CTNNA2: variants seen among roughly 807,000 people sequenced by gnomAD.
The protein encoded by CTNNA2 is catenin alpha 2, also known as catenin alpha-2.
A neutral mutation model predicts 101.0 loss-of-function variants in CTNNA2; 42 were observed. The ratio of observed to expected loss-of-function variants is 0.42; its 90% CI spans 0.32 to 0.54. The LOEUF is 0.54. Among genes scored for constraint, CTNNA2 ranks in the 20% least tolerant of loss-of-function variants. CTNNA2 has a pLI of 0.14. For missense variants in CTNNA2, 871 were observed against 1,223.1 expected, an observed-to-expected ratio of 0.71 and a Z score of 4.29; for synonymous variants, 450 against 456.4, an observed-to-expected ratio of 0.99 and a Z score of 0.18.
intron 12 of CTNNA2, among the ~76,000 whole-genome samples, chr2:80,564,390 G>A (rs1693867633): frequency 6.6e-6 from 1 of 152,002 alleles, no homozygotes. Flanking sequence ...TTTTAAAATA[G>A]AAGAAAACTT....
At chr2:80,258,360 T>C (rs781417252) in intron 7 of CTNNA2, among the ~76,000 whole-genome samples, 1 of 152,192 alleles carries the variant, frequency 6.6e-6, no homozygotes, top group Admixed American at 6.6e-5. Context: ...ATTTGTTATC[T>C]GAAAAGTCAA....
At chr2:80,442,764 A>G (rs1192901115) in intron 9 of CTNNA2, among the ~76,000 whole-genome samples, 1 of 152,204 alleles carries the variant, frequency 6.6e-6, no homozygotes, top group Non-Finnish European at 1.5e-5. Context: ...CCTGCCAAAC[A>G]AAACACCAGA....
At chr2:80,369,773 A>G (rs1675278225) in intron 7 of CTNNA2, among the ~76,000 whole-genome samples, 2 of 152,162 alleles carry the variant, frequency 1.3e-5, no homozygotes, top group Admixed American at 1.3e-4. Flanking sequence ...CTACAGAAGC[A>G]CAGCCAGAGA....
At chr2:79,784,278 A>T (rs1674672664) in intron 3 of CTNNA2, among the ~76,000 whole-genome samples, 1 of 151,992 alleles carries the variant, frequency 6.6e-6, no homozygotes, top group Non-Finnish European at 1.5e-5. Context: ...AATGCCTCTA[A>T]GTTAAGCTTG....
At chr2:80,594,532 T>C (rs1352698633) in intron 15 of CTNNA2, among the ~76,000 whole-genome samples, 1 of 152,094 alleles carries the variant, frequency 6.6e-6, no homozygotes, top group African/African-American at 2.4e-5. Context: ...TCTTTTTTTT[T>C]CTTTTGTTGC....
intron 4 of CTNNA2, among the ~76,000 whole-genome samples, chr2:79,409,576 T>C (rs1678383522): frequency 2.0e-5 from 3 of 150,956 alleles, no homozygotes; most frequent in African/African-American, 4.9e-5. Context: ...CCATTGCTTG[T>C]TTTTCTCAGG....
At chr2:79,436,072 C>A (rs1678709935) in intron 4 of CTNNA2, among the ~76,000 whole-genome samples, 1 of 152,092 alleles carries the variant, frequency 6.6e-6, no homozygotes, top group African/African-American at 2.4e-5. Flanking sequence ...TGGGGCAGAA[C>A]CAGGAATCTA....
chr2:80,554,564 G>A (rs76003961), intron 11 of CTNNA2, among the ~76,000 whole-genome samples: 5,700 of 152,158 alleles, frequency 0.037, 151 homozygotes, highest in Non-Finnish European at 0.057. Context: ...GATAGGAAGA[G>A]GATAGAAAGA....
intron 9 of CTNNA2, among the ~76,000 whole-genome samples, chr2:80,535,932 C>T (rs1429434742): frequency 6.6e-6 from 1 of 152,206 alleles, no homozygotes; most frequent in Admixed American, 6.5e-5. Flanking sequence ...CTTGACTCTC[C>T]TCAAGTCCAA....
At chr2:79,565,837 C>T (rs1182470468) in intron 1 of CTNNA2, among the ~76,000 whole-genome samples, 1 of 151,984 alleles carries the variant, frequency 6.6e-6, no homozygotes, top group Non-Finnish European at 1.5e-5. Flanking sequence ...GTGGAGAGAT[C>T]TCTGCGTGTT....
chr2:80,202,432 G>A (rs903270222), intron 7 of CTNNA2, among the ~76,000 whole-genome samples: 46 of 152,180 alleles, frequency 3.0e-4, no homozygotes, highest in African/African-American at 1.0e-3. Context: ...TCCAGCCTTG[G>A]TAGCAGGGAA....
chr2:79,953,806 A>G (rs1318839501), intron 7 of CTNNA2, among the ~76,000 whole-genome samples: 1 of 152,096 alleles, frequency 6.6e-6, no homozygotes, highest in Non-Finnish European at 1.5e-5. Flanking sequence ...AGAACATGTT[A>G]CCCATTATTA....
intron 9 of CTNNA2, among the ~76,000 whole-genome samples, chr2:80,445,714 G>A (rs1683015356): frequency 6.6e-6 from 1 of 152,152 alleles, no homozygotes; most frequent in South Asian, 2.1e-4. Flanking sequence ...ACTTTGAGAA[G>A]CACTGACATT....
intron 4 of CTNNA2, among the ~76,000 whole-genome samples, chr2:79,384,012 G>A (rs912630824): frequency 1.3e-5 from 2 of 152,110 alleles, no homozygotes; most frequent in African/African-American, 4.8e-5. Flanking sequence ...AGAGTGGGAA[G>A]GACGTAGAGA....
At chr2:80,041,273 T>A (rs1020199594) in intron 7 of CTNNA2, among the ~76,000 whole-genome samples, 11 of 151,842 alleles carry the variant, frequency 7.2e-5, no homozygotes, top group African/African-American at 1.9e-4. Flanking sequence ...ATTTTTATTT[T>A]TTTTTTTTTA....
intron 1 of CTNNA2, among the ~76,000 whole-genome samples, chr2:79,187,435 T>A (rs957944187): frequency 4.6e-5 from 7 of 151,976 alleles, no homozygotes; most frequent in African/African-American, 1.7e-4. Flanking sequence ...CCCAAGTAGC[T>A]GGGACCACAA....
At chr2:80,012,889 G>T (rs191316680) in intron 7 of CTNNA2, among the ~76,000 whole-genome samples, 2 of 152,140 alleles carry the variant, frequency 1.3e-5, no homozygotes, top group Non-Finnish European at 2.9e-5. Context: ...TCTCGACGAG[G>T]CACAGTGGCT....
rs574327080 is a variant in CTNNA2 at position 79,232,551 on chromosome 2, A to T, written c.-406+34475A>T. ...TTGCTATCAGAATGATGCTGGCTTT[A>T]CAGAATGAATTAGGGAGAAACCCCT... is the stretch of plus-strand genomic sequence containing the variant. On this transcript the variant is annotated intron_variant, in intron 2 of 21. Transcript: ENST00000466387. Among the ~76,000 whole-genome samples, 73 of 152,310 alleles carry T rather than the reference A, an allele frequency of 4.8e-4. No individual in the cohort carries two copies. In the East Asian group the frequency reaches 0.014, roughly 28 times the overall value.
chr2:79,999,682 T>C (rs72922657), intron 7 of CTNNA2, among the ~76,000 whole-genome samples: 9,333 of 152,264 alleles, frequency 0.061, 663 homozygotes, highest in African/African-American at 0.17. Flanking sequence ...CAACCATTCA[T>C]CCATTTTTAC....
Sources: gnomAD v4.1 joint callset for allele counts (sites outside exome capture counted in the v4.1 genomes callset) on GRCh38, gnomAD v4.1.1 for gene constraint, MANE v1.5 for transcripts, NCBI Gene and HGNC (gene_info 2026-07-23, HGNC 2026-07-21) for gene names.